The following RFX6 variants were observed in gnomAD, a reference collection of about 807,000 sequenced individuals.
The protein encoded by RFX6 is regulatory factor X6.
RFX6 carries 50 observed loss-of-function variants against 110.8 expected under a neutral mutation model. The ratio of observed to expected loss-of-function variants is 0.45; its 90% CI spans 0.36 to 0.57. The LOEUF (loss-of-function observed/expected upper bound fraction) is 0.57. RFX6 is among the 20% of genes least tolerant of loss of function. The pLI is 0.00. For synonymous variants in RFX6, 383 were observed against 411.2 expected, an observed-to-expected ratio of 0.93 and a Z score of 0.83; for missense variants, 990 against 1,127.0, an observed-to-expected ratio of 0.88 and a Z score of 1.74.
chr6:116,920,382 A>G lies in RFX6; in HGVS notation c.1255A>G (p.Asn419Asp). 6.2e-7 allele frequency: 1 copy of G among 1,612,400 alleles called. No homozygotes were observed. The highest frequency in any genetic ancestry group is 1.1e-5 in the South Asian group (1 of 91,030). ...GTCTGATATTGAAAGGGTTGATTTG[A>G]ACAGCATTGGCTCTCAAGCCCTTCT... ...MVSDIERVDL[N>D]SIGSQALLTI... The change falls in exon 12 of 19, where the codon AAC becomes GAC. Residue 419 changes from asparagine to aspartate, a missense_variant. Transcript: ENST00000332958.
At chr6:116,930,919 T>C (rs764052628) in intron 18 of RFX6, among the ~76,000 whole-genome samples, 9 of 152,046 alleles carry the variant, frequency 5.9e-5, no homozygotes, top group Non-Finnish European at 1.2e-4. Context: ...TTCAGCAATA[T>C]CATTCTGGTT....
Position 116,905,928 on chromosome 6 carries a change from CAT to C in RFX6, c.673-5006_673-5005del, listed in dbSNP as rs544410669. Among the ~76,000 whole-genome samples the C allele has an allele frequency of 2.6e-3, 369 of 140,654 alleles. 5 individuals are homozygous for C. Among genetic ancestry groups the C allele is most frequent in the Non-Finnish European group, 9.4e-4 (61 of 64,696 alleles). 92.3% of individuals were successfully genotyped at this position (140,654 alleles called of 152,430 possible). ...TATATAAAATTTTTTTTCCAAATCA[CAT>C]GTTTCCTTCTAAACATGTTTCCTGT... is the stretch of plus-strand genomic sequence containing the variant. On this transcript the variant is annotated intron_variant, in intron 6 of 18. Coordinates refer to ENST00000332958, the MANE Select transcript of RFX6 (RefSeq NM_173560.4).
At chr6:116,880,033 A>C (rs902888007) in intron 2 of RFX6, among the ~76,000 whole-genome samples, 4 of 152,074 alleles carry the variant, frequency 2.6e-5, no homozygotes, top group African/African-American at 9.6e-5. Flanking sequence ...TTCAGACTTA[A>C]GTAAAATGAG....
intron 4 of RFX6, 104 bp from the exon 5 acceptor site, chr6:116,893,883 G>A: frequency 1.3e-6 from 1 of 776,110 alleles, no homozygotes; most frequent in Non-Finnish European, 2.4e-6. Context: ...GGTCATCAGG[G>A]TTTGCAGTTC....
At position 116,919,144 on chromosome 6, in the gene RFX6, G is replaced by T. The variant is rs1269197013; in HGVS notation, c.1030G>T (p.Ala344Ser). 1.2e-6 allele frequency: 2 copies of T among 1,612,986 alleles called. No individual in the cohort carries two copies. Among genetic ancestry groups the T allele is most frequent in the Admixed American group, 3.3e-5 (2 of 59,950 alleles). ...TMQEMPESLL[A>S]DIRNFAKNWE... is the part of the protein sequence containing the mutation. ...ACATAGCCTTCTTTGTAGCTTATTA[G>T]CAGACATAAGAAATTTTGCTAAAAA... Residue 344 changes from alanine to serine, a missense_variant, in exon 11 of 19, where the codon GCA becomes TCA. By Grantham distance (99) the Ala-to-Ser change is moderately conservative. Around this residue, in one of 5 missense-constraint regions of RFX6, gnomAD observed 243 missense variants for 353.1 expected, o/e 0.69. Coordinates refer to ENST00000332958, the MANE Select transcript of RFX6 (RefSeq NM_173560.4).
Position 116,931,523 on chromosome 6 carries a change from G to C in RFX6, c.*17G>C, listed in dbSNP as rs745312806. The stretch of plus-strand genomic sequence containing the variant: ...GGCACTTAAACCACCAATGTGGGAG[G>C]GGGTGCTAAAACTTTAAAAAAAATC... On this transcript the variant is annotated 3_prime_UTR_variant, in exon 19 of 19. Coordinates refer to ENST00000332958, the MANE Select transcript of RFX6 (RefSeq NM_173560.4). 5 of 1,597,358 alleles carry C rather than the reference G, an allele frequency of 3.1e-6. No homozygotes were observed. Among genetic ancestry groups the C allele is most frequent in the Non-Finnish European group, 4.3e-6 (5 of 1,166,668 alleles).
At chr6:116,878,568 C>T (rs1405630233) in intron 2 of RFX6, among the ~76,000 whole-genome samples, 2 of 151,888 alleles carry the variant, frequency 1.3e-5, no homozygotes, top group African/African-American at 2.4e-5. Flanking sequence ...AAGAATTTAT[C>T]AGTAGGATTT....
In RFX6 at chr6:116,916,230, A is replaced by C; in HGVS notation, c.888A>C (p.Gln296His). 3.1e-6 allele frequency: 5 copies of C among 1,612,834 alleles called. No homozygotes were observed. The highest frequency in any genetic ancestry group is 4.2e-6 in the Non-Finnish European group (5 of 1,179,290). ...AGCATTTTTTATTACACTTTTGGCA[A>C]GGAATGCCTGACCATCTCCTTCCCC... ...EIQHFLLHFW[Q>H]GMPDHLLPLL... The change falls in exon 9 of 19, where the codon CAA becomes CAC. Residue 296 changes from glutamine to histidine, a missense_variant. Gln to His is a conservative substitution (Grantham distance 24, BLOSUM62 0). Coordinates refer to ENST00000332958, the MANE Select transcript of RFX6 (RefSeq NM_173560.4).
intron 7 of RFX6, among the ~76,000 whole-genome samples, chr6:116,912,809 G>A (rs1346302591): frequency 2.0e-5 from 3 of 151,900 alleles, no homozygotes; most frequent in African/African-American, 7.3e-5. Flanking sequence ...TTCTCTGCTG[G>A]CCTCCAAGGA....
chr6:116,894,079 T>C lies in RFX6; in HGVS notation c.644+15T>C, dbSNP rs761650045. 3.8e-5 allele frequency: 51 copies of C among 1,347,052 alleles called. No individual in the cohort carries two copies. Among genetic ancestry groups the C allele is most frequent in the Admixed American group, 3.0e-4 (18 of 59,640 alleles). 83.4% of individuals were successfully genotyped at this position (1,347,052 alleles called of 1,614,324 possible). A position where few individuals can be genotyped will look rare whatever the true frequency, so the allele number is the denominator to read the frequency against. ...GGCTTGACAAGGTAGAGTTACACCA[T>C]CTTCAAGACAAATTCTCTGTGTTTC... On this transcript the variant is annotated intron_variant, in intron 5 of 18. Coordinates refer to ENST00000332958, the MANE Select transcript of RFX6 (RefSeq NM_173560.4).
Position 116,877,692 on chromosome 6 carries a change from C to G in RFX6, c.224-104C>G. The G allele has an allele frequency of 2.5e-6, 3 of 1,207,532 alleles. No individual in the cohort carries two copies. The Admixed American group carries it at 6.0e-5, about 24-fold the overall frequency. The allele number at this position is 1,207,532 out of a possible 1,614,324, so 74.8% of individuals were successfully genotyped here. ...ATAGCCCCCCTTTCCTCCCCTCCGC[C>G]CCCACCCCAGTAGGCTACTCCTTTG... On this transcript the variant is annotated intron_variant, in intron 1 of 18. Transcript: ENST00000332958.
intron 6 of RFX6, among the ~76,000 whole-genome samples, chr6:116,903,585 A>T (rs2114681173): frequency 6.6e-6 from 1 of 151,816 alleles, no homozygotes; most frequent in Non-Finnish European, 1.5e-5. Context: ...AGAAGTTACC[A>T]CTCTCCAGAA....
At chr6:116,909,262 A>G (rs936056572) in intron 6 of RFX6, among the ~76,000 whole-genome samples, 11 of 152,104 alleles carry the variant, frequency 7.2e-5, no homozygotes, top group Middle Eastern at 3.2e-3. Context: ...ACATATTGAG[A>G]TGAATAAACA....
At chr6:116,924,636 C>T in intron 14 of RFX6, 33 bp from the exon 15 acceptor site, 4 of 1,594,596 alleles carry the variant, frequency 2.5e-6, no homozygotes, top group Non-Finnish European at 3.4e-6. Context: ...ACATTTCACA[C>T]TGTCCTCTCC....
At position 116,877,267 on chromosome 6, in the gene RFX6, G is replaced by C. The variant is rs958282064; in HGVS notation, c.-9G>C. Reference sequence around the variant, plus strand: ...GCGGCGCGCGCGGAGGTGTCCGGCGGCCAGGAGGATGGCCAAGGTCCCGGA... The same window carrying C: ...GCGGCGCGCGCGGAGGTGTCCGGCGCCCAGGAGGATGGCCAAGGTCCCGGA... On this transcript the variant is annotated 5_prime_UTR_variant, in exon 1 of 19. Coordinates refer to ENST00000332958, the MANE Select transcript of RFX6 (RefSeq NM_173560.4). The C allele has an allele frequency of 2.5e-6, 4 of 1,603,592 alleles. No individual in the cohort carries two copies. The highest frequency in any genetic ancestry group is 2.6e-6 in the Non-Finnish European group (3 of 1,175,254).
intron 7 of RFX6, among the ~76,000 whole-genome samples, chr6:116,914,447 G>T (rs546657505): frequency 6.6e-6 from 1 of 152,252 alleles, no homozygotes; most frequent in East Asian, 1.9e-4. Flanking sequence ...ATACAGAAAG[G>T]GTTAATTTTT....
rs541223818 is a variant in RFX6 at position 116,880,787 on chromosome 6, C to A, written c.504+120C>A. 201 of 1,104,240 alleles carry A rather than the reference C, an allele frequency of 1.8e-4. No homozygotes were observed. In the African/African-American group the frequency reaches 2.8e-3, roughly 15 times the overall value. 68.4% of individuals were successfully genotyped at this position (1,104,240 alleles called of 1,614,324 possible). ...AATATTGAGACATTTGTTTTGCAGG[C>A]ATAAATTGTCTTAAGGACTCTGTTT... On this transcript the variant is annotated intron_variant, in intron 3 of 18. Coordinates refer to ENST00000332958, the MANE Select transcript of RFX6 (RefSeq NM_173560.4).
At chr6:116,898,062 G>A (rs1774988419) in intron 6 of RFX6, among the ~76,000 whole-genome samples, 1 of 152,128 alleles carries the variant, frequency 6.6e-6, no homozygotes, top group African/African-American at 2.4e-5. Flanking sequence ...GTGGTAGGAA[G>A]AGAAGGAGGA....
At chr6:116,915,219 A>G (rs1461094331) in intron 7 of RFX6, among the ~76,000 whole-genome samples, 1 of 152,212 alleles carries the variant, frequency 6.6e-6, no homozygotes, top group Non-Finnish European at 1.5e-5. Flanking sequence ...ATGCTATGCA[A>G]ATATCCATGG....
Sources: gnomAD v4.1 joint callset for allele counts (sites outside exome capture counted in the v4.1 genomes callset) on GRCh38, gnomAD v4.1.1 for gene constraint, gnomAD v4.1.1 regional missense constraint, MANE v1.5 for transcripts, NCBI Gene and HGNC (gene_info 2026-07-23, HGNC 2026-07-21) for gene names.